Variants in OTP observed in about 807,000 individuals in gnomAD.
The protein encoded by OTP is homeobox protein orthopedia.
In OTP, 5 loss-of-function variants were observed where a neutral mutation model predicts 22.3. The ratio of observed to expected loss-of-function variants is 0.22; its 90% confidence interval spans 0.12 to 0.47. The LOEUF (loss-of-function observed/expected upper bound fraction) is 0.47. Ranked by LOEUF, OTP falls within the 20% of genes least tolerant of loss-of-function variation. The pLI is 0.99. For synonymous variants in OTP, 229 were observed against 210.6 expected (o/e 1.09, Z -0.76); for missense variants, 428 against 456.2 (o/e 0.94, Z 0.56).
Position 77,637,106 on chromosome 5 carries a change from T to C in OTP, c.162A>G (p.Gly54=). The C allele has an allele frequency of 1.2e-6, 2 of 1,612,136 alleles. No homozygotes were observed. The highest frequency in any genetic ancestry group is 4.5e-5 in the East Asian group (2 of 44,824). ...DLAPNSDPVE[G]ATLLPGEDIT... The stretch of plus-strand genomic sequence containing the variant: ...TGTCCTCCCCGGGCAGCAGAGTGGC[T>C]CCCTCCACTGGGTCAGAGTTGGGCG... Residue 54 remains glycine (G), a synonymous_variant, in exon 2 of 3, where the codon GGA becomes GGG. Coordinates refer to ENST00000306422, the MANE Select transcript of OTP (RefSeq NM_032109.3).
intron 2 of OTP, 62 bp downstream of exon 2, chr5:77,636,759 C>A: frequency 6.6e-7 from 1 of 1,524,980 alleles, no homozygotes; most frequent in South Asian, 1.3e-5. Flanking sequence ...GACCCTGCTC[C>A]CTTTGCCCAA....
At chr5:77,631,370 A>G (rs1744926460) in intron 2 of OTP, among the ~76,000 whole-genome samples, 2 of 152,068 alleles carry the variant, frequency 1.3e-5, no homozygotes, top group East Asian at 3.9e-4. Context: ...TGCGTGGGAA[A>G]GTGAACGCCA....
Position 77,631,551 on chromosome 5 carries a change from C to CTTTTTT in OTP, c.448-763_448-758dup, listed in dbSNP as rs70988699. 8.8e-3 allele frequency among the ~76,000 whole-genome samples: 655 copies of CTTTTTT among 74,212 alleles called. 2 individuals are homozygous for CTTTTTT. The highest frequency in any genetic ancestry group is 0.028 in the Middle Eastern group (2 of 72). The allele number at this position is 74,212 out of a possible 152,430, so 48.7% of individuals were successfully genotyped here. On this transcript the variant is annotated intron_variant, in intron 2 of 2. Transcript: ENST00000306422. ...TGCCCCAAGAGCCTTCAACCCTATT[C>CTTTTTT]TTTTTTTTTTTTTTTTTTTTTTTTT...
chr5:77,636,773 C>G, intron 2 of OTP, 48 bp downstream of exon 2: 1 of 1,559,764 alleles, frequency 6.4e-7, no homozygotes, highest in Non-Finnish European at 8.7e-7. Context: ...TGCCCAAATC[C>G]TCCCGCCCTG....
rs1228038539 is a variant in OTP, at chr5:77,630,729, C to A, written c.513G>T (p.Ala171=). 6.3e-7 allele frequency: 1 copy of A among 1,583,862 alleles called. No homozygotes were observed. ...KRKKTTNVFR[A]PGTLLPTPGL... is the part of the protein sequence containing the mutation. ...CTGGCGTGGGCAGCAGTGTGCCGGGCGCACGGAACACGTTGGTCGTCTTTT... is the reference window on the plus strand; with the variant it reads ...CTGGCGTGGGCAGCAGTGTGCCGGGAGCACGGAACACGTTGGTCGTCTTTT... The change falls in exon 3 of 3, where the codon GCG becomes GCT. Residue 171 remains alanine, a synonymous_variant. Transcript: ENST00000306422.
At position 77,638,204 on chromosome 5, in the gene OTP, A is replaced by T. The variant is rs572837552; in HGVS notation, c.37+309T>A. 5.0e-4 allele frequency among the ~76,000 whole-genome samples: 73 copies of T among 147,056 alleles called. 1 individual carries two copies. The South Asian group carries it at 0.016, about 33-fold the overall frequency. ...AACAAACAGGAGAGGGAAAAAAGAGAGAGAAACACCTCCTAACAAATTATC... is the reference window on the plus strand; with the variant it reads ...AACAAACAGGAGAGGGAAAAAAGAGTGAGAAACACCTCCTAACAAATTATC... On this transcript the variant is annotated intron_variant, in intron 1 of 2. Transcript: ENST00000306422.
chr5:77,634,764 G>T (rs1456411926), intron 2 of OTP, among the ~76,000 whole-genome samples: 1 of 152,092 alleles, frequency 6.6e-6, no homozygotes, highest in African/African-American at 2.4e-5. Context: ...AGGTTATGTT[G>T]ATCTGATTAC....
In OTP at chr5:77,630,156, G is replaced by A. The variant is rs2112365446; in HGVS notation, c.*108C>T. On this transcript the variant is annotated 3_prime_UTR_variant, in exon 3 of 3. Coordinates refer to ENST00000306422, the MANE Select transcript of OTP (RefSeq NM_032109.3). ...GAGGACGAAACGAGACGGGGCGAAG[G>A]CCGGGGCGGGACGGGGCAGGGCGCC... The A allele has an allele frequency of 5.1e-6, 3 of 583,638 alleles. No homozygotes were observed. The highest frequency in any genetic ancestry group is 1.6e-4 in the South Asian group (2 of 12,446). The allele number at this position is 583,638 out of a possible 1,614,324, so 36.2% of individuals were successfully genotyped here.
intron 2 of OTP, 93 bp from the exon 3 acceptor site, chr5:77,630,887 T>G: frequency 7.6e-7 from 1 of 1,319,802 alleles, no homozygotes; most frequent in Non-Finnish European, 1.0e-6. Flanking sequence ...CCGCCTCGGA[T>G]ACAGCCGCTC....
chr5:77,636,753 C>T (rs1279743219), intron 2 of OTP, 68 bp downstream of exon 2: 1 of 1,488,058 alleles, frequency 6.7e-7, no homozygotes, highest in Non-Finnish European at 9.2e-7. Context: ...AGGGAAGACC[C>T]TGCTCCCTTT....
At chr5:77,636,734 G>C in intron 2 of OTP, 87 bp downstream of exon 2, 1 of 1,363,350 alleles carries the variant, frequency 7.3e-7, no homozygotes, top group Non-Finnish European at 1.0e-6. Context: ...CCAGGATCTC[G>C]ACAGGGGAAG....
intron 2 of OTP, among the ~76,000 whole-genome samples, chr5:77,634,894 A>G (rs1005027045): frequency 2.6e-5 from 4 of 152,148 alleles, no homozygotes; most frequent in South Asian, 2.1e-4. Context: ...CAATTAGAGT[A>G]CTTTGTCTCT....
At chr5:77,631,520 A>T (rs1183313922) in intron 2 of OTP, among the ~76,000 whole-genome samples, 2 of 146,304 alleles carry the variant, frequency 1.4e-5, no homozygotes, top group East Asian at 4.0e-4. Flanking sequence ...AGTGGCTGGA[A>T]CCTGCTGCCC....
Position 77,630,504 on chromosome 5 carries a change from C to T in OTP, c.738G>A (p.Pro246=). ...TGTTGGACAGGCCCATGGAGTTGGGCGGCGGACCGGCCGCCAGGCTGCACT... is the reference window on the plus strand; with the variant it reads ...TGTTGGACAGGCCCATGGAGTTGGGTGGCGGACCGGCCGCCAGGCTGCACT... ...LSQCSLAAGP[P]PNSMGLSNSL... Residue 246 remains proline (P), a synonymous_variant, in exon 3 of 3, where the codon CCG becomes CCA. Transcript: ENST00000306422. 6.3e-7 allele frequency: 1 copy of T among 1,591,978 alleles called. No homozygotes were observed. The highest frequency in any genetic ancestry group is 8.5e-7 in the Non-Finnish European group (1 of 1,171,612).
In OTP at chr5:77,630,809, G is replaced by A; in HGVS notation, c.448-15C>T. ...TGGAACCAGACCTGGAGCGGGCGGGGCGGGAGACAGACAGGGAGCTATTAG... is the reference window on the plus strand; with the variant it reads ...TGGAACCAGACCTGGAGCGGGCGGGACGGGAGACAGACAGGGAGCTATTAG... On this transcript the variant is annotated splice_polypyrimidine_tract_variant and intron_variant, in intron 2 of 2. Transcript: ENST00000306422. The A allele has an allele frequency of 6.6e-7, 1 of 1,520,646 alleles. No homozygotes were observed. Among genetic ancestry groups the A allele is most frequent in the East Asian group, 2.4e-5 (1 of 41,768 alleles). The allele number at this position is 1,520,646 out of a possible 1,614,324, so 94.2% of individuals were successfully genotyped here.
intron 2 of OTP, among the ~76,000 whole-genome samples, chr5:77,631,124 A>G (rs1318076946): frequency 6.6e-6 from 1 of 152,256 alleles, no homozygotes; most frequent in Non-Finnish European, 1.5e-5. Flanking sequence ...ACAGATTCAC[A>G]GGTCTGCAGT....
Position 77,630,751 on chromosome 5 carries a change from T to G in OTP, c.491A>C (p.Lys164Thr). The G allele has an allele frequency of 6.3e-7, 1 of 1,578,206 alleles. No homozygotes were observed. The highest frequency in any genetic ancestry group is 8.5e-7 in the Non-Finnish European group (1 of 1,170,616). The change falls in exon 3 of 3, where the codon AAG (lysine) becomes ACG (threonine). Residue 164 changes from lysine (K) to threonine (T), a missense_variant. Coordinates refer to ENST00000306422, the MANE Select transcript of OTP (RefSeq NM_032109.3). ...NRRAKWKKRK[K>T]TTNVFRAPGT... ...GGGCGCACGGAACACGTTGGTCGTC[T>G]TTTTGCGCTTCTTCCACTTGGCGCG...
rs1744901793 is a variant in OTP at position 77,630,167 on chromosome 5, A to C, written c.*97T>G. 1 of 682,324 alleles carries C rather than the reference A, an allele frequency of 1.5e-6. No individual in the cohort carries two copies. The highest frequency in any genetic ancestry group is 2.0e-6 in the Non-Finnish European group (1 of 500,680). The allele number at this position is 682,324 out of a possible 1,614,324, so 42.3% of individuals were successfully genotyped here. A position where few individuals can be genotyped will look rare whatever the true frequency, so the allele number is the denominator to read the frequency against. On this transcript the variant is annotated 3_prime_UTR_variant, in exon 3 of 3. Coordinates refer to ENST00000306422, the MANE Select transcript of OTP (RefSeq NM_032109.3). Reference sequence around the variant, plus strand: ...GAGACGGGGCGAAGGCCGGGGCGGGACGGGGCAGGGCGCCGGGGTCCGGGT... The same window carrying C: ...GAGACGGGGCGAAGGCCGGGGCGGGCCGGGGCAGGGCGCCGGGGTCCGGGT...
At chr5:77,634,236 C>T (rs895343254) in intron 2 of OTP, among the ~76,000 whole-genome samples, 3 of 152,114 alleles carry the variant, frequency 2.0e-5, no homozygotes, top group Admixed American at 2.0e-4. Flanking sequence ...ACATAATTTG[C>T]ATGATTCTCA....
Sources: gnomAD v4.1 joint callset for allele counts (sites outside exome capture counted in the v4.1 genomes callset) on GRCh38, gnomAD v4.1.1 for gene constraint, MANE v1.5 for transcripts, NCBI Gene and HGNC (gene_info 2026-07-23, HGNC 2026-07-21) for gene names.